The following CACHD1 variants were observed in gnomAD, a reference collection of about 807,000 sequenced individuals.
CACHD1 encodes the protein VWFA and cache domain-containing protein 1.
CACHD1 carries 71 observed loss-of-function variants against 138.7 expected under a neutral mutation model. The ratio of observed to expected loss-of-function variants is 0.51; its 90% CI spans 0.42 to 0.62. The LOEUF (loss-of-function observed/expected upper bound fraction) is 0.62, where lower values mean the gene tolerates loss of function less well. CACHD1 is among the 20% of genes least tolerant of loss of function. CACHD1 has a pLI of 0.00. For synonymous variants in CACHD1, 578 were observed against 591.5 expected (o/e 0.98, Z 0.33); for missense variants, 1,389 against 1,625.3 (o/e 0.85, Z 2.50).
In CACHD1 at chr1:64,692,846, G is replaced by A. The variant is rs1234523016; in HGVS notation, c.*1285G>A. The A allele has an allele frequency of 2.0e-5, 3 of 152,500 alleles. No homozygotes were observed. The highest frequency in any genetic ancestry group is 7.2e-5 in the African/African-American group (3 of 41,412). 9.4% of individuals were successfully genotyped at this position (152,500 alleles called of 1,614,324 possible). Reference sequence around the variant, plus strand: ...TGTTATAAAGGCATTCTTGCACCATGGTAAAGAATGTGTGTGGTAAATCTC... The same window carrying A: ...TGTTATAAAGGCATTCTTGCACCATAGTAAAGAATGTGTGTGGTAAATCTC... On this transcript the variant is annotated 3_prime_UTR_variant, in exon 27 of 27. Transcript: ENST00000651257.
chr1:64,614,694 T>A (rs1647649050), intron 4 of CACHD1, among the ~76,000 whole-genome samples: 1 of 152,230 alleles, frequency 6.6e-6, no homozygotes, highest in Non-Finnish European at 1.5e-5. Flanking sequence ...ATTGGTACAC[T>A]GACTTGTGAC....
intron 4 of CACHD1, among the ~76,000 whole-genome samples, chr1:64,621,418 T>A (rs1647908960): frequency 6.6e-6 from 1 of 152,138 alleles, no homozygotes; most frequent in African/African-American, 2.4e-5. Flanking sequence ...CAAAGCCAGC[T>A]GGAAGTTTGT....
chr1:64,652,929 C>T (rs1570454178), intron 10 of CACHD1, among the ~76,000 whole-genome samples: 1 of 152,116 alleles, frequency 6.6e-6, no homozygotes, highest in African/African-American at 2.4e-5. Context: ...CAATCGTTCT[C>T]TCATAAAGAC....
At chr1:64,536,134 C>T (rs1329247829) in intron 1 of CACHD1, among the ~76,000 whole-genome samples, 1 of 152,160 alleles carries the variant, frequency 6.6e-6, no homozygotes, top group African/African-American at 2.4e-5. Flanking sequence ...ATCACATGAT[C>T]TAATTTTAGA....
At chr1:64,599,250 A>G (rs1647190943) in intron 3 of CACHD1, among the ~76,000 whole-genome samples, 1 of 152,204 alleles carries the variant, frequency 6.6e-6, no homozygotes, top group Admixed American at 6.5e-5. Context: ...TGTTGGTATA[A>G]GCAGAATCTT....
chr1:64,474,477 G>A (rs986997502), intron 1 of CACHD1, among the ~76,000 whole-genome samples: 4 of 152,210 alleles, frequency 2.6e-5, no homozygotes, highest in Admixed American at 6.5e-5. Context: ...AAAGGAAATA[G>A]TGCATGTAAA....
chr1:64,478,937 C>A (rs1183361861), intron 1 of CACHD1, among the ~76,000 whole-genome samples: 1 of 150,148 alleles, frequency 6.7e-6, no homozygotes, highest in Non-Finnish European at 1.5e-5. Context: ...CTGTTTTTTC[C>A]ATAAAATATC....
intron 1 of CACHD1, among the ~76,000 whole-genome samples, chr1:64,480,886 C>CTTTTTTTTTTTTTTT (rs530847374): frequency 3.4e-4 from 48 of 140,564 alleles, no homozygotes; most frequent in African/African-American, 1.2e-3. Context: ...CTCTCTCTCC[C>CTTTTTTTTTTTTTTT]TTTTTTTTTT....
chr1:64,681,541 G>GGTTTTTTTTTGTTTTTTTTTTTTT (rs1553146851), intron 25 of CACHD1, among the ~76,000 whole-genome samples: 1 of 68,146 alleles, frequency 1.5e-5, no homozygotes, highest in African/African-American at 7.3e-5. Flanking sequence ...ATTTTATTGT[G>GGTTTTTTTTTGTTTTTTTTTTTTT]TTTTTTTTTT....
At position 64,552,806 on chromosome 1, in the gene CACHD1, G is replaced by A. The variant is rs59360654; in HGVS notation, c.261+2150G>A. On this transcript the variant is annotated intron_variant, in intron 2 of 26. Transcript: ENST00000651257. ...TTATCTGTATTTTTAATTTAACATA[G>A]TTTATTTTTAAAATACATGTTTTCA... 4.2e-3 allele frequency among the ~76,000 whole-genome samples: 647 copies of A among 152,280 alleles called. 2 individuals are homozygous for A. Among genetic ancestry groups the A allele is most frequent in the African/African-American group, 0.015 (626 of 41,560 alleles).
intron 3 of CACHD1, among the ~76,000 whole-genome samples, chr1:64,585,771 A>G (rs1407785502): frequency 6.6e-6 from 1 of 152,234 alleles, no homozygotes; most frequent in Non-Finnish European, 1.5e-5. Flanking sequence ...TACTGTGTCT[A>G]CTTGGCTTTG....
intron 2 of CACHD1, among the ~76,000 whole-genome samples, chr1:64,568,515 C>T (rs113654180): frequency 6.6e-6 from 1 of 152,130 alleles, no homozygotes; most frequent in Non-Finnish European, 1.5e-5. Context: ...GAGAGGAAGC[C>T]ACCTGATAGC....
rs562630172 is a variant in CACHD1 at position 64,642,849 on chromosome 1, G to A, written c.1156+880G>A. Among the ~76,000 whole-genome samples the A allele has an allele frequency of 2.0e-5, 3 of 150,896 alleles. No individual in the cohort carries two copies. In the South Asian group the frequency reaches 6.4e-4, roughly 32 times the overall value. ...CACGAGGTCAAGAGATCAAGACCTG[G>A]CCAACAATGTGAAACCTCGTCTCTA... On this transcript the variant is annotated intron_variant, in intron 8 of 26. Coordinates refer to ENST00000651257, the MANE Select transcript of CACHD1 (RefSeq NM_020925.4).
intron 4 of CACHD1, among the ~76,000 whole-genome samples, chr1:64,626,383 A>G (rs1261150809): frequency 2.6e-5 from 4 of 152,264 alleles, no homozygotes; most frequent in Non-Finnish European, 5.9e-5. Flanking sequence ...ACATATTGCT[A>G]CTGGCAGAAA....
chr1:64,572,810 G>A (rs772723103), intron 2 of CACHD1, among the ~76,000 whole-genome samples: 8 of 152,234 alleles, frequency 5.3e-5, no homozygotes, highest in Admixed American at 4.6e-4. Flanking sequence ...CCTGCAGATC[G>A]TCTGTCAGCA....
intron 1 of CACHD1, among the ~76,000 whole-genome samples, chr1:64,473,749 C>G (rs972556888): frequency 3.3e-5 from 5 of 152,182 alleles, no homozygotes; most frequent in African/African-American, 4.8e-5. Context: ...AGCCAATGTT[C>G]AGACTTTTAT....
chr1:64,529,518 A>G (rs1252697317), intron 1 of CACHD1, among the ~76,000 whole-genome samples: 1 of 152,164 alleles, frequency 6.6e-6, no homozygotes, highest in East Asian at 1.9e-4. Context: ...CTAGTCTTCC[A>G]GTTCTCTTTT....
chr1:64,473,639 C>G (rs1280438730), intron 1 of CACHD1, among the ~76,000 whole-genome samples: 1 of 152,168 alleles, frequency 6.6e-6, no homozygotes, highest in Non-Finnish European at 1.5e-5. Flanking sequence ...AAGGGATTGA[C>G]TCCTTTCATT....
intron 22 of CACHD1, 116 bp from the exon 23 acceptor site, chr1:64,678,043 A>G (rs1650052062): frequency 9.5e-7 from 1 of 1,057,860 alleles, no homozygotes; most frequent in Non-Finnish European, 1.3e-6. Flanking sequence ...AAAGCTCAAG[A>G]AATTCACAGC....
Sources: allele counts gnomAD v4.1 joint callset (sites outside exome capture counted in the v4.1 genomes callset), GRCh38; gene constraint gnomAD v4.1.1; transcripts MANE v1.5; gene names NCBI Gene and HGNC (gene_info 2026-07-23, HGNC 2026-07-21).